Variants in FBRSL1 observed in about 807,000 individuals in gnomAD.
The protein encoded by FBRSL1 is fibrosin like 1.
Under a neutral mutation model 89.6 loss-of-function variants are expected in FBRSL1, and 51 were observed. The ratio of observed to expected loss-of-function variants is 0.57; its 90% CI spans 0.45 to 0.72. The LOEUF (loss-of-function observed/expected upper bound fraction) is 0.72, where lower values mean the gene tolerates loss of function less well. Ranked by LOEUF, FBRSL1 falls within the 30% of genes least tolerant of loss-of-function variation. The probability of loss-of-function intolerance (pLI) is 0.00; values close to 1 mark genes in which losing one functional copy is unlikely to be tolerated. For synonymous variants in FBRSL1, 779 were observed against 681.1 expected, an observed-to-expected ratio of 1.14 and a Z score of -2.24; for missense variants, 1,618 against 1,451.8, an observed-to-expected ratio of 1.11 and a Z score of -1.86.
At chr12:132,493,237 C>T (rs1166164311) in intron 1 of FBRSL1, among the ~76,000 whole-genome samples, 1 of 152,248 alleles carries the variant, frequency 6.6e-6, no homozygotes, top group African/African-American at 2.4e-5. Flanking sequence ...CACAGCCTGC[C>T]CTTGGCTCTG....
Position 132,499,576 on chromosome 12 carries a change from T to G in FBRSL1, c.292-8577T>G, listed in dbSNP as rs1309486009. On this transcript the variant is annotated intron_variant, in intron 1 of 18. Transcript: ENST00000680143. This position sits in a 1 kb window ranked among gnomAD's most constrained non-coding sequence, Gnocchi z 4.3. ...GGCCACGAGGGCTTCTGGGGAAGAGTGCAGGCTGTGAGGGGCAGCACCGTG... is the reference window on the plus strand; with the variant it reads ...GGCCACGAGGGCTTCTGGGGAAGAGGGCAGGCTGTGAGGGGCAGCACCGTG... Among the ~76,000 whole-genome samples the G allele has an allele frequency of 1.3e-5, 2 of 150,998 alleles. No individual in the cohort carries two copies. The highest frequency in any genetic ancestry group is 3.0e-5 in the Non-Finnish European group (2 of 67,768).
rs116072669 is a variant in FBRSL1 at position 132,499,781 on chromosome 12, G to C, written c.292-8372G>C. Among the ~76,000 whole-genome samples the C allele has an allele frequency of 6.6e-6, 1 of 152,134 alleles. No individual in the cohort carries two copies. Among genetic ancestry groups the C allele is most frequent in the East Asian group, 1.9e-4 (1 of 5,194 alleles). ...TGAGATCAGGTGCTCTGGGGACTCA[G>C]GGCAAATGGGGTACTTGGTTCCACG... On this transcript the variant is annotated intron_variant, in intron 1 of 18. Transcript: ENST00000680143. The surrounding 1 kb of genome is among the most constrained non-coding windows in gnomAD (Gnocchi z 4.3).
intron 1 of FBRSL1, among the ~76,000 whole-genome samples, chr12:132,497,662 C>G (rs912138052): frequency 6.6e-6 from 1 of 152,166 alleles, no homozygotes; most frequent in African/African-American, 2.4e-5. Context: ...GTGAGTGGCC[C>G]CAGGCTAGAA....
chr12:132,529,510 C>T (rs2036078600), intron 4 of FBRSL1, among the ~76,000 whole-genome samples: 1 of 152,156 alleles, frequency 6.6e-6, no homozygotes, highest in African/African-American at 2.4e-5. Context: ...GAGGTTCTGT[C>T]TAAAGCCCTG....
Position 132,583,870 on chromosome 12 carries a change from T to A in FBRSL1, c.*92T>A. 4.0e-6 allele frequency: 3 copies of A among 746,924 alleles called. No homozygotes were observed. The highest frequency in any genetic ancestry group is 5.2e-6 in the Non-Finnish European group (3 of 581,358). 46.3% of individuals were successfully genotyped at this position (746,924 alleles called of 1,614,324 possible). A position where few individuals can be genotyped will look rare whatever the true frequency, so the allele number is the denominator to read the frequency against. On this transcript the variant is annotated 3_prime_UTR_variant, in exon 19 of 19. Coordinates refer to ENST00000680143, the MANE Select transcript of FBRSL1 (RefSeq NM_001367871.1). ...ACTCAAGCACAGCTCCCGCCGATCC[T>A]GGGGCGGCGCCGCCTCTCCACCCGC... is the stretch of plus-strand genomic sequence containing the variant.
At chr12:132,530,382 C>T (rs2036157994) in intron 4 of FBRSL1, among the ~76,000 whole-genome samples, 1 of 152,146 alleles carries the variant, frequency 6.6e-6, no homozygotes, top group Non-Finnish European at 1.5e-5. Context: ...TCAGTGACAT[C>T]TCCGAGTGCT....
At chr12:132,570,641 G>T in intron 8 of FBRSL1, 101 bp downstream of exon 8, 3 of 1,076,568 alleles carry the variant, frequency 2.8e-6, no homozygotes, top group South Asian at 1.7e-5. Context: ...ACCTGCTGTG[G>T]TCTCTGCGGA....
chr12:132,525,661 C>T (rs2035729328), intron 2 of FBRSL1, 73 bp from the exon 3 acceptor site: 2 of 1,284,960 alleles, frequency 1.6e-6, no homozygotes, highest in South Asian at 2.6e-5. Context: ...GGCATGTAGC[C>T]CTAGCCAGGG....
At chr12:132,537,123 G>A (rs918520877) in intron 4 of FBRSL1, among the ~76,000 whole-genome samples, 22 of 152,310 alleles carry the variant, frequency 1.4e-4, no homozygotes, top group African/African-American at 3.6e-4. Flanking sequence ...AGGTGGCCAC[G>A]CTCGACAGGA....
At chr12:132,573,625 G>A (rs749975628) in intron 11 of FBRSL1, among the ~76,000 whole-genome samples, 7 of 151,990 alleles carry the variant, frequency 4.6e-5, no homozygotes, top group African/African-American at 7.2e-5. Context: ...TGGGCAGGGT[G>A]GTAGCCCAGA....
intron 1 of FBRSL1, among the ~76,000 whole-genome samples, chr12:132,495,374 G>A (rs771292558): frequency 5.3e-4 from 81 of 152,352 alleles, no homozygotes; most frequent in Non-Finnish European, 1.0e-3. Context: ...TCCGGGGACC[G>A]CTGAGGCCAC....
chr12:132,581,919 C>A, intron 17 of FBRSL1, 95 bp downstream of exon 17: 1 of 1,347,960 alleles, frequency 7.4e-7, no homozygotes, highest in Non-Finnish European at 1.0e-6. Context: ...GGCTGACCTC[C>A]CTCCTCTCTG....
intron 11 of FBRSL1, among the ~76,000 whole-genome samples, chr12:132,573,221 T>G (rs2040161752): frequency 6.6e-6 from 1 of 152,176 alleles, no homozygotes. Flanking sequence ...GGCCTCAGGT[T>G]CTGAAGACGG....
At chr12:132,536,713 T>C (rs1001522443) in intron 4 of FBRSL1, among the ~76,000 whole-genome samples, 3 of 150,138 alleles carry the variant, frequency 2.0e-5, no homozygotes, top group African/African-American at 4.9e-5. Flanking sequence ...TACATGACAG[T>C]GTGTGTGAGT....
chr12:132,527,720 T>TGGGCTGCGGGGCTGCGGGGCAGGGTTGA (rs1566146027), intron 3 of FBRSL1, among the ~76,000 whole-genome samples: 4 of 119,590 alleles, frequency 3.3e-5, no homozygotes, highest in Admixed American at 8.0e-5. Context: ...GGCAGGGTTG[T>TGGGCTGCGGGGCTGCGGGGCAGGGTTGA]GGGCTGCGGG....
Position 132,511,128 on chromosome 12 carries a change from T to A in FBRSL1, c.489+2778T>A, listed in dbSNP as rs564182058. ...GTGTCCACCTCCAGGGCCCCCAAGC[T>A]ACAGGGGGCACATGGGCCCATCTGG... On this transcript the variant is annotated intron_variant, in intron 2 of 18. Coordinates refer to ENST00000680143, the MANE Select transcript of FBRSL1 (RefSeq NM_001367871.1). The A allele has an allele frequency of 1.2e-4, 122 of 985,444 alleles. No homozygotes were observed. In the Admixed American group the frequency reaches 1.3e-3, roughly 10 times the overall value. The allele number at this position is 985,444 out of a possible 1,614,324, so 61.0% of individuals were successfully genotyped here.
At chr12:132,560,564 C>T (rs1434992664) in intron 5 of FBRSL1, among the ~76,000 whole-genome samples, 3 of 152,188 alleles carry the variant, frequency 2.0e-5, no homozygotes, top group Non-Finnish European at 1.5e-5. Flanking sequence ...CCGCGCTCAC[C>T]TGCCCCGAGT....
At chr12:132,580,632 G>C (rs564012727) in intron 15 of FBRSL1, among the ~76,000 whole-genome samples, 2 of 152,330 alleles carry the variant, frequency 1.3e-5, no homozygotes, top group South Asian at 4.1e-4. Context: ...TTAGAAGAGT[G>C]GCATCAGCTT....
chr12:132,509,651 G>T (rs2034099472), intron 2 of FBRSL1: 1 of 1,231,916 alleles, frequency 8.1e-7, no homozygotes, highest in Non-Finnish European at 1.0e-6. Context: ...GGCGCCTGCG[G>T]TTCCTCCTGG....
Sources: allele counts gnomAD v4.1 joint callset (sites outside exome capture counted in the v4.1 genomes callset), GRCh38; gene constraint gnomAD v4.1.1; non-coding constraint Gnocchi (gnomAD v3.1); transcripts MANE v1.5; gene names NCBI Gene and HGNC (gene_info 2026-07-23, HGNC 2026-07-21).